The following CYFIP1 variants were observed in gnomAD, a reference collection of about 807,000 sequenced individuals.
The protein encoded by CYFIP1 is cytoplasmic FMR1 interacting protein 1.
Under a neutral mutation model 163.5 loss-of-function variants are expected in CYFIP1, and 58 were observed. The observed-to-expected ratio is 0.35, with a 90% CI of 0.29 to 0.44. The LOEUF (loss-of-function observed/expected upper bound fraction) is 0.44. Among genes scored for constraint, CYFIP1 ranks in the 20% least tolerant of loss-of-function variants. The pLI, the probability that CYFIP1 is intolerant of heterozygous loss-of-function variation, is 1.00. For missense variants in CYFIP1, 1,338 were observed against 1,653.8 expected (o/e 0.81, Z 3.31); for synonymous variants, 663 against 660.7 (o/e 1.00, Z -0.05).
intron 1 of CYFIP1, among the ~76,000 whole-genome samples, chr15:22,969,836 C>T (rs546922342): frequency 6.6e-6 from 1 of 151,914 alleles, no homozygotes; most frequent in Non-Finnish European, 1.5e-5. Flanking sequence ...CAAAGAGTAA[C>T]CAAAAGAGAG....
chr15:22,907,393 G>A (rs534622118), intron 21 of CYFIP1, among the ~76,000 whole-genome samples: 1 of 152,144 alleles, frequency 6.6e-6, no homozygotes, highest in African/African-American at 2.4e-5. Flanking sequence ...GTATCCCCAG[G>A]GCTGGCACAA....
rs1175129199 is a variant in CYFIP1, at chr15:22,917,338, C to G, written c.1674+450G>C. The G allele has an allele frequency of 7.8e-7, 1 of 1,284,536 alleles. No individual in the cohort carries two copies. The highest frequency in any genetic ancestry group is 9.9e-7 in the Non-Finnish European group (1 of 1,012,972). 79.6% of individuals were successfully genotyped at this position (1,284,536 alleles called of 1,614,324 possible). A position where few individuals can be genotyped will look rare whatever the true frequency, so the allele number is the denominator to read the frequency against. On this transcript the variant is annotated intron_variant, in intron 15 of 30. Transcript: ENST00000617928. This position sits in a 1 kb window ranked among gnomAD's most constrained non-coding sequence, Gnocchi z 4.2. ...GGTGTGAAAGTCGTGAGAAGCACCT[C>G]GGGGAGGCCTGAACACACCAGGAGA...
intron 26 of CYFIP1, among the ~76,000 whole-genome samples, chr15:22,879,014 T>C (rs2059668693): frequency 6.6e-6 from 1 of 151,808 alleles, no homozygotes; most frequent in Admixed American, 6.6e-5. Flanking sequence ...TGGGCGCCTG[T>C]AGTCCCAGCT....
intron 1 of CYFIP1, among the ~76,000 whole-genome samples, chr15:22,958,226 C>G (rs1186031378): frequency 6.6e-6 from 1 of 151,912 alleles, no homozygotes; most frequent in Non-Finnish European, 1.5e-5. Flanking sequence ...GCTGGGATTA[C>G]AGGCACCCGC....
chr15:22,880,105 G>T, intron 25 of CYFIP1, 62 bp from the exon 26 acceptor site: 3 of 1,604,062 alleles, frequency 1.9e-6, no homozygotes, highest in Non-Finnish European at 2.5e-6. Context: ...TAGCAGCCTG[G>T]GTCCACAGCC....
In CYFIP1 at chr15:22,869,641, C is replaced by T. The variant is rs1348626401; in HGVS notation, c.*387G>A. 2 of 156,930 alleles carry T rather than the reference C, an allele frequency of 1.3e-5. No homozygotes were observed. The highest frequency in any genetic ancestry group is 2.4e-5 in the African/African-American group (1 of 41,574). 9.7% of individuals were successfully genotyped at this position (156,930 alleles called of 1,614,324 possible). ...GCTCATAAAAGACCATCAGAAAGAT[C>T]CCTAAACAAAAGCTAAATAGTTACA... On this transcript the variant is annotated 3_prime_UTR_variant, in exon 31 of 31. Coordinates refer to ENST00000617928, the MANE Select transcript of CYFIP1 (RefSeq NM_014608.6).
intron 28 of CYFIP1, 48 bp downstream of exon 28, chr15:22,874,502 C>A: frequency 6.9e-7 from 1 of 1,447,166 alleles, no homozygotes; most frequent in Non-Finnish European, 9.3e-7. Context: ...CCTGGCCTGG[C>A]ATGGATGCCC....
Position 22,868,819 on chromosome 15 carries a change from A to G in CYFIP1, c.*1209T>C, listed in dbSNP as rs532025224. The G allele has an allele frequency of 2.6e-5, 4 of 152,184 alleles. No individual in the cohort carries two copies. Among genetic ancestry groups the G allele is most frequent in the Admixed American group, 6.5e-5 (1 of 15,276 alleles). The allele number at this position is 152,184 out of a possible 1,614,324, so 9.4% of individuals were successfully genotyped here. A position where few individuals can be genotyped will look rare whatever the true frequency, so the allele number is the denominator to read the frequency against. On this transcript the variant is annotated 3_prime_UTR_variant, in exon 31 of 31. Coordinates refer to ENST00000617928, the MANE Select transcript of CYFIP1 (RefSeq NM_014608.6). Reference sequence around the variant, plus strand: ...ATTGGTGAAGGTTGCAATACTCCAAATAATGTAAAATGACTGCCAGGCTAC... The same window carrying G: ...ATTGGTGAAGGTTGCAATACTCCAAGTAATGTAAAATGACTGCCAGGCTAC...
chr15:22,947,348 A>G, intron 1 of CYFIP1, 57 bp from the exon 2 acceptor site: 1 of 1,586,270 alleles, frequency 6.3e-7, no homozygotes, highest in Non-Finnish European at 8.6e-7. Context: ...ACACCCAACA[A>G]GCTTCGAGGT....
chr15:22,897,478 G>GTT (rs545780467), intron 22 of CYFIP1, among the ~76,000 whole-genome samples: 14 of 144,154 alleles, frequency 9.7e-5, no homozygotes, highest in Admixed American at 2.1e-4. Flanking sequence ...CAACAGGGTT[G>GTT]TTTTTTTTTT....
At chr15:22,961,618 G>C (rs191276582) in intron 1 of CYFIP1, among the ~76,000 whole-genome samples, 175 of 152,236 alleles carry the variant, frequency 1.1e-3, no homozygotes, top group Non-Finnish European at 1.9e-3. Flanking sequence ...AAGCTCAAGA[G>C]ATCCTCCAGC....
chr15:22,892,901 G>A lies in CYFIP1; in HGVS notation c.2665C>T (p.His889Tyr). The A allele has an allele frequency of 6.2e-7, 1 of 1,611,916 alleles. No individual in the cohort carries two copies. Among genetic ancestry groups the A allele is most frequent in the Non-Finnish European group, 8.5e-7 (1 of 1,178,004 alleles). Residue 889 changes from histidine (H) to tyrosine (Y), a missense_variant, in exon 23 of 31, where the codon CAT (histidine) becomes TAT (tyrosine). His to Tyr is a moderately conservative substitution (Grantham distance 83, BLOSUM62 2). Around this residue, in one of 4 missense-constraint regions of CYFIP1, gnomAD observed 824 missense variants for 995.7 expected, o/e 0.83. Coordinates refer to ENST00000617928, the MANE Select transcript of CYFIP1 (RefSeq NM_014608.6). ...ACATTGGAGCCTACCTTGGATCCAT[G>A]CAGATACTGAGGCTGTGCATTAGGC... ...KQPNAQPQYL[H>Y]GSKALNLAYS...
At chr15:22,897,365 C>T (rs1483596017) in intron 22 of CYFIP1, among the ~76,000 whole-genome samples, 1 of 151,792 alleles carries the variant, frequency 6.6e-6, no homozygotes, top group Non-Finnish European at 1.5e-5. Flanking sequence ...AGGCAGTTGA[C>T]TTACTTGTCA....
At chr15:22,923,262 CAAT>C (rs2061247984) in intron 13 of CYFIP1, among the ~76,000 whole-genome samples, 1 of 151,984 alleles carries the variant, frequency 6.6e-6, no homozygotes, top group South Asian at 2.1e-4. Context: ...TGTTACAACT[CAAT>C]AATAAAAAAG....
At position 22,872,899 on chromosome 15, in the gene CYFIP1, C is replaced by T; in HGVS notation, c.3523G>A (p.Ala1175Thr). The T allele has an allele frequency of 6.2e-7, 1 of 1,614,090 alleles. No homozygotes were observed. Among genetic ancestry groups the T allele is most frequent in the Non-Finnish European group, 8.5e-7 (1 of 1,179,966 alleles). The change falls in exon 30 of 31, where the codon GCT becomes ACT. Residue 1175 changes from alanine to threonine, a missense_variant. By Grantham distance (58) the Ala-to-Thr change is moderately conservative. This residue lies in a region of CYFIP1 where 306 missense variants were observed against 322.1 expected (regional missense o/e 0.95). Coordinates refer to ENST00000617928, the MANE Select transcript of CYFIP1 (RefSeq NM_014608.6). ...AGATGGTAGCAGAAATCCAGCACAG[C>T]AAAACGCCGCTGCTGCCCAAGAAGT... is the stretch of plus-strand genomic sequence containing the variant. ...IVLLGQQRRF[A>T]VLDFCYHLLK...
At chr15:22,929,355 C>G (rs537726334) in intron 11 of CYFIP1, among the ~76,000 whole-genome samples, 1 of 151,938 alleles carries the variant, frequency 6.6e-6, no homozygotes, top group Non-Finnish European at 1.5e-5. Flanking sequence ...AGATTATGAC[C>G]GGGTGCAATG....
chr15:22,904,378 C>T (rs550946495), intron 21 of CYFIP1: 24 of 227,466 alleles, frequency 1.1e-4, no homozygotes, highest in South Asian at 6.1e-4. Flanking sequence ...CCCTCACGTG[C>T]GCTGCTCTGG....
intron 11 of CYFIP1, among the ~76,000 whole-genome samples, chr15:22,930,168 C>G (rs915158233): frequency 6.6e-6 from 1 of 151,428 alleles, no homozygotes; most frequent in Admixed American, 6.6e-5. Context: ...ACCATCCTGG[C>G]TAGAACAGTG....
chr15:22,947,896 A>G, intron 1 of CYFIP1: 3 of 971,676 alleles, frequency 3.1e-6, no homozygotes, highest in Non-Finnish European at 3.7e-6. Flanking sequence ...GAAGGCAGAC[A>G]TCGTCTAAAC....
Sources: gnomAD v4.1 joint callset for allele counts (sites outside exome capture counted in the v4.1 genomes callset) on GRCh38, gnomAD v4.1.1 for gene constraint, gnomAD v4.1.1 regional missense constraint, Gnocchi (gnomAD v3.1) non-coding constraint, MANE v1.5 for transcripts, NCBI Gene and HGNC (gene_info 2026-07-23, HGNC 2026-07-21) for gene names.